BTC: variants seen among roughly 807,000 people sequenced by gnomAD.
BTC encodes probetacellulin.
Under a neutral mutation model 18.1 loss-of-function variants are expected in BTC, and 13 were observed. The observed-to-expected ratio is 0.72, with a 90% CI of 0.47 to 1.14. BTC has a LOEUF of 1.14. BTC is among the 50% of genes most tolerant of loss of function. The pLI is 0.00. For synonymous variants in BTC, 83 were observed against 79.4 expected (o/e 1.05, Z -0.24); for missense variants, 247 against 224.2 (o/e 1.10, Z -0.65).
intron 4 of BTC, among the ~76,000 whole-genome samples, chr4:74,750,362 A>G (rs1724426420): frequency 6.6e-6 from 1 of 152,204 alleles, no homozygotes. Context: ...TTTATTTTAA[A>G]TTACAACAAT....
rs1277163379 is a variant in BTC at position 74,794,301 on chromosome 4, C to A, written c.25G>T (p.Gly9Cys). The A allele has an allele frequency of 1.9e-6, 3 of 1,548,786 alleles. No individual in the cohort carries two copies. Among genetic ancestry groups the A allele is most frequent in the Admixed American group, 3.9e-5 (2 of 50,928 alleles). The change falls in exon 1 of 6, where the codon GGC (glycine) becomes TGC (cysteine). Residue 9 changes from glycine to cysteine, a missense_variant. Gly to Cys is a radical substitution (Grantham distance 159). Transcript: ENST00000395743. MDRAARCSGASSLPLLLAL... is the reference protein window; with the variant it reads MDRAARCSCASSLPLLLAL... ...AGGAGCAGTGGCAGGGAGCTGGCGC[C>A]GCTGCACCGGGCGGCCCGGTCCATC...
At chr4:74,780,951 C>T (rs1332749294) in intron 1 of BTC, among the ~76,000 whole-genome samples, 3 of 150,762 alleles carry the variant, frequency 2.0e-5, no homozygotes, top group Non-Finnish European at 4.4e-5. Context: ...GGTACATGTG[C>T]ACAATGTGAG....
chr4:74,750,516 A>G, intron 4 of BTC, 57 bp downstream of exon 4: 2 of 1,515,566 alleles, frequency 1.3e-6, no homozygotes, highest in African/African-American at 1.4e-5. Context: ...AAGAAGAAAA[A>G]CTATGAGCAA....
chr4:74,763,779 T>G (rs1553957556), intron 2 of BTC, among the ~76,000 whole-genome samples: 1 of 152,042 alleles, frequency 6.6e-6, no homozygotes, highest in East Asian at 1.9e-4. Context: ...GTTCTAATGT[T>G]CTCTAACACT....
intron 1 of BTC, among the ~76,000 whole-genome samples, chr4:74,790,944 CT>C (rs917516987): frequency 2.0e-4 from 30 of 152,212 alleles, no homozygotes; most frequent in African/African-American, 5.1e-4. Flanking sequence ...CTAGGATGAG[CT>C]TACATGCTTT....
At chr4:74,772,946 T>A (rs1725083086) in intron 1 of BTC, among the ~76,000 whole-genome samples, 2 of 152,216 alleles carry the variant, frequency 1.3e-5, no homozygotes, top group Non-Finnish European at 2.9e-5. Context: ...CTCCTTCCGC[T>A]AAGCTTTGTT....
In BTC at chr4:74,754,561, C is replaced by T. The variant is rs113665341; in HGVS notation, c.281+1298G>A. ...CATCTTAAACCATAGCAAGAATAAG[C>T]TTTCTGGGCTACAAGAAGAGCTTAT... On this transcript the variant is annotated intron_variant, in intron 3 of 5. Coordinates refer to ENST00000395743, the MANE Select transcript of BTC (RefSeq NM_001729.4). Among the ~76,000 whole-genome samples, 557 of 152,240 alleles carry T rather than the reference C, an allele frequency of 3.7e-3. 2 individuals carry two copies. Among genetic ancestry groups the T allele is most frequent in the Non-Finnish European group, 6.2e-3 (419 of 68,014 alleles).
At chr4:74,749,155 C>T (rs1267475218) in intron 4 of BTC, among the ~76,000 whole-genome samples, 2 of 151,980 alleles carry the variant, frequency 1.3e-5, no homozygotes, top group African/African-American at 4.8e-5. Context: ...TCTGGCCGGG[C>T]GCGGTGGCTC....
At chr4:74,764,682 T>A (rs1209218100) in intron 2 of BTC, among the ~76,000 whole-genome samples, 1 of 152,154 alleles carries the variant, frequency 6.6e-6, no homozygotes, top group Non-Finnish European at 1.5e-5. Flanking sequence ...TTGTAGCAAC[T>A]GTGATGGAGA....
At chr4:74,784,013 A>T (rs932782954) in intron 1 of BTC, among the ~76,000 whole-genome samples, 4 of 151,944 alleles carry the variant, frequency 2.6e-5, no homozygotes, top group African/African-American at 9.7e-5. Context: ...CAGATGGATC[A>T]CTTGAGGTCA....
At chr4:74,780,025 T>C (rs1577966435) in intron 1 of BTC, among the ~76,000 whole-genome samples, 2 of 152,142 alleles carry the variant, frequency 1.3e-5, no homozygotes, top group South Asian at 4.2e-4. Context: ...CCAAAGGAAA[T>C]GACATAGAAA....
intron 2 of BTC, among the ~76,000 whole-genome samples, chr4:74,764,624 A>G (rs1724849011): frequency 6.6e-6 from 1 of 152,240 alleles, no homozygotes; most frequent in Non-Finnish European, 1.5e-5. Context: ...TGGTTTATAT[A>G]CACCATGAAA....
intron 1 of BTC, among the ~76,000 whole-genome samples, chr4:74,777,227 G>A (rs1037219549): frequency 6.6e-6 from 1 of 152,118 alleles, no homozygotes; most frequent in Non-Finnish European, 1.5e-5. Flanking sequence ...TGTAAACTGA[G>A]GCTCATAATA....
rs1022726034 is a variant in BTC at position 74,746,133 on chromosome 4, G to A, written c.*544C>T. On this transcript the variant is annotated 3_prime_UTR_variant, in exon 6 of 6. Transcript: ENST00000395743. Reference sequence around the variant, plus strand: ...GGTTAAGAGCATAGATTTTGATTTAGATAAATCTTGATTTCTAGTCTGTCT... The same window carrying A: ...GGTTAAGAGCATAGATTTTGATTTAAATAAATCTTGATTTCTAGTCTGTCT... 4.6e-5 allele frequency: 7 copies of A among 152,080 alleles called. No individual in the cohort carries two copies. The highest frequency in any genetic ancestry group is 1.3e-4 in the Admixed American group (2 of 15,276). 9.4% of individuals were successfully genotyped at this position (152,080 alleles called of 1,614,324 possible).
chr4:74,758,009 C>G (rs61101263), intron 2 of BTC, among the ~76,000 whole-genome samples: 4,531 of 152,242 alleles, frequency 0.03, 209 homozygotes, highest in African/African-American at 0.1. Flanking sequence ...GCAATTCTAA[C>G]AGCAATCTCA....
intron 1 of BTC, among the ~76,000 whole-genome samples, chr4:74,773,162 G>T (rs1419563404): frequency 6.6e-6 from 1 of 152,194 alleles, no homozygotes; most frequent in Non-Finnish European, 1.5e-5. Flanking sequence ...TGCCTGGCCT[G>T]CACAGTTTTT....
chr4:74,750,946 T>C (rs1221952719), intron 3 of BTC, among the ~76,000 whole-genome samples: 1 of 152,206 alleles, frequency 6.6e-6, no homozygotes, highest in Non-Finnish European at 1.5e-5. Context: ...ATGTCTAATA[T>C]AAATACACAA....
chr4:74,749,191 A>T (rs769774491), intron 4 of BTC, among the ~76,000 whole-genome samples: 2 of 152,050 alleles, frequency 1.3e-5, no homozygotes, highest in African/African-American at 2.4e-5. Flanking sequence ...GCACTTTGGG[A>T]TGCCGAGGTA....
intron 2 of BTC, among the ~76,000 whole-genome samples, chr4:74,763,354 T>C (rs1229167661): frequency 6.6e-6 from 1 of 152,090 alleles, no homozygotes; most frequent in African/African-American, 2.4e-5. Flanking sequence ...ACAAGTTGCA[T>C]CCTGCATGGT....
Sources: gnomAD v4.1 joint callset for allele counts (sites outside exome capture counted in the v4.1 genomes callset) on GRCh38, gnomAD v4.1.1 for gene constraint, MANE v1.5 for transcripts, NCBI Gene and HGNC (gene_info 2026-07-23, HGNC 2026-07-21) for gene names.